ASIC2: variants seen among roughly 807,000 people sequenced by gnomAD.
The protein encoded by ASIC2 is acid-sensing ion channel 2.
In ASIC2, 25 loss-of-function variants were observed where a neutral mutation model predicts 57.3. The observed-to-expected ratio is 0.44, with a 90% CI of 0.32 to 0.61. The LOEUF (loss-of-function observed/expected upper bound fraction) is 0.61, where lower values mean the gene tolerates loss of function less well. Among genes scored for constraint, ASIC2 ranks in the 20% least tolerant of loss-of-function variants. The pLI is 0.06. For synonymous variants in ASIC2, 319 were observed against 307.5 expected, an observed-to-expected ratio of 1.04 and a Z score of -0.39; for missense variants, 641 against 738.1, an observed-to-expected ratio of 0.87 and a Z score of 1.52.
intron 1 of ASIC2, among the ~76,000 whole-genome samples, chr17:33,636,034 A>G (rs1242183338): frequency 6.6e-6 from 1 of 152,260 alleles, no homozygotes; most frequent in Admixed American, 6.5e-5. Flanking sequence ...ACTGATGCCC[A>G]TGAAATGTTG....
chr17:33,239,452 T>G (rs1403935588), intron 1 of ASIC2, among the ~76,000 whole-genome samples: 1 of 152,236 alleles, frequency 6.6e-6, no homozygotes, highest in Non-Finnish European at 1.5e-5. Context: ...ATATATTTGT[T>G]TACCCTTATA....
At chr17:33,141,124 G>A (rs1669580325) in intron 1 of ASIC2, among the ~76,000 whole-genome samples, 1 of 152,220 alleles carries the variant, frequency 6.6e-6, no homozygotes, top group Non-Finnish European at 1.5e-5. Context: ...ATCAGAGAGT[G>A]AGTCCTCTTA....
chr17:33,785,579 T>A (rs985663254), intron 1 of ASIC2, among the ~76,000 whole-genome samples: 2 of 152,198 alleles, frequency 1.3e-5, no homozygotes, highest in African/African-American at 4.8e-5. Context: ...AATGCCTATA[T>A]TTTTCATCCA....
At chr17:33,245,395 T>C (rs1375699934) in intron 1 of ASIC2, among the ~76,000 whole-genome samples, 2 of 152,164 alleles carry the variant, frequency 1.3e-5, no homozygotes, top group Non-Finnish European at 2.9e-5. Context: ...TGAGTCAATA[T>C]GGAATTTTCA....
chr17:33,106,670 T>C (rs1366186743), intron 2 of ASIC2, among the ~76,000 whole-genome samples: 1 of 152,104 alleles, frequency 6.6e-6, no homozygotes, highest in Admixed American at 6.5e-5. Flanking sequence ...GGGTCTCAGG[T>C]GAACTAATTC....
At chr17:33,104,358 C>T (rs2092226714) in intron 2 of ASIC2, among the ~76,000 whole-genome samples, 1 of 152,184 alleles carries the variant, frequency 6.6e-6, no homozygotes. Flanking sequence ...TCTTTCACCA[C>T]CCCAGGAAAA....
intron 1 of ASIC2, among the ~76,000 whole-genome samples, chr17:33,142,056 A>G (rs1354828005): frequency 6.6e-6 from 1 of 152,208 alleles, no homozygotes; most frequent in African/African-American, 2.4e-5. Flanking sequence ...TCTCCATTAG[A>G]CTACAAACCC....
intron 1 of ASIC2, among the ~76,000 whole-genome samples, chr17:33,285,299 T>C (rs2142174284): frequency 6.6e-6 from 1 of 152,286 alleles, no homozygotes; most frequent in South Asian, 2.1e-4. Flanking sequence ...TTCCCCGAAG[T>C]CAAATAACTG....
chr17:34,088,604 G>A (rs1287811203), intron 1 of ASIC2, among the ~76,000 whole-genome samples: 2 of 152,220 alleles, frequency 1.3e-5, no homozygotes, highest in Non-Finnish European at 2.9e-5. Context: ...AGAGGTTACT[G>A]CTGTCTTTTT....
chr17:33,638,547 A>C (rs537420848), intron 1 of ASIC2, among the ~76,000 whole-genome samples: 1 of 151,936 alleles, frequency 6.6e-6, no homozygotes, highest in African/African-American at 2.4e-5. Flanking sequence ...GCATGAATGC[A>C]TGCCTGCCTA....
intron 3 of ASIC2, among the ~76,000 whole-genome samples, chr17:33,062,342 A>C (rs2092024316): frequency 6.6e-6 from 1 of 152,158 alleles, no homozygotes; most frequent in South Asian, 2.1e-4. Flanking sequence ...AATGTGTCCC[A>C]GAGATTCTGG....
chr17:33,324,046 C>A (rs1222987988), intron 1 of ASIC2, among the ~76,000 whole-genome samples: 1 of 152,082 alleles, frequency 6.6e-6, no homozygotes, highest in African/African-American at 2.4e-5. Context: ...GGGTTAGACT[C>A]TGGGTCAGAG....
At chr17:33,297,361 G>T (rs1465546860), upstream of ASIC2, among the ~76,000 whole-genome samples, 1 of 152,128 alleles carries the variant, frequency 6.6e-6, no homozygotes, top group Non-Finnish European at 1.5e-5. Flanking sequence ...TATTTCTGCG[G>T]GTGGTTGGGG....
intron 1 of ASIC2, among the ~76,000 whole-genome samples, chr17:33,539,279 C>T (rs2141967402): frequency 6.6e-6 from 1 of 152,380 alleles, no homozygotes; most frequent in South Asian, 2.1e-4. Flanking sequence ...TCTAAATGGG[C>T]AGCCAGATGG....
chr17:34,003,372 T>C (rs563328139), intron 1 of ASIC2: 3 of 152,174 alleles, frequency 2.0e-5, no homozygotes, highest in South Asian at 2.1e-4. Context: ...TTGTAGTAGA[T>C]GGTACAGAGC....
rs1206997010 is a variant in ASIC2 at position 34,080,839 on chromosome 17, C to G, written c.555+75139G>C. 2.0e-5 allele frequency: 3 copies of G among 152,238 alleles called. No individual in the cohort carries two copies. In the East Asian group the frequency reaches 5.8e-4, roughly 29 times the overall value. The allele number at this position is 152,238 out of a possible 1,614,324, so 9.4% of individuals were successfully genotyped here. On this transcript the variant is annotated intron_variant, in intron 1 of 9. Transcript: ENST00000359872. ...CAATATTGCCAGGCCAGGGCTTATTCAGACACATAGTTGCTTTATTTTAGT... is the reference window on the plus strand; with the variant it reads ...CAATATTGCCAGGCCAGGGCTTATTGAGACACATAGTTGCTTTATTTTAGT...
chr17:34,055,225 G>C (rs137926565), intron 1 of ASIC2, among the ~76,000 whole-genome samples: 1 of 152,118 alleles, frequency 6.6e-6, no homozygotes, highest in African/African-American at 2.4e-5. Flanking sequence ...GACACGATTC[G>C]ATTTATATGT....
intron 1 of ASIC2, among the ~76,000 whole-genome samples, chr17:33,258,455 A>G (rs995371989): frequency 2.0e-5 from 3 of 152,190 alleles, no homozygotes; most frequent in African/African-American, 7.2e-5. Context: ...ATTTGGTGCC[A>G]TGAGGTAAGG....
At chr17:33,498,098 A>G (rs8077806) in intron 1 of ASIC2, among the ~76,000 whole-genome samples, 23,742 of 152,212 alleles carry the variant, frequency 0.16, 2,321 homozygotes, top group African/African-American at 0.28. Context: ...CACTTCTGGA[A>G]ATGGATAGAA....
Sources: gnomAD v4.1 joint callset for allele counts (sites outside exome capture counted in the v4.1 genomes callset) on GRCh38, gnomAD v4.1.1 for gene constraint, MANE v1.5 for transcripts, NCBI Gene and HGNC (gene_info 2026-07-23, HGNC 2026-07-21) for gene names.